Variants in SLC24A3 observed in about 807,000 individuals in gnomAD.
The protein encoded by SLC24A3 is sodium/potassium/calcium exchanger 3.
Under a neutral mutation model 75.8 loss-of-function variants are expected in SLC24A3, and 28 were observed. The ratio of observed to expected loss-of-function variants is 0.37; its 90% confidence interval spans 0.27 to 0.51. The LOEUF (loss-of-function observed/expected upper bound fraction) is 0.51. Among genes scored for constraint, SLC24A3 ranks in the 20% least tolerant of loss-of-function variants. SLC24A3 has a pLI of 0.94. For synonymous variants in SLC24A3, 372 were observed against 334.1 expected, an observed-to-expected ratio of 1.11 and a Z score of -1.24; for missense variants, 663 against 847.8, an observed-to-expected ratio of 0.78 and a Z score of 2.71.
chr20:19,389,954 C>T (rs1016028557), intron 2 of SLC24A3, among the ~76,000 whole-genome samples: 3 of 152,142 alleles, frequency 2.0e-5, no homozygotes, highest in African/African-American at 7.2e-5. Context: ...TGGGTAATCT[C>T]AAATGACCTT....
chr20:19,536,743 T>C (rs1400738432), intron 3 of SLC24A3, among the ~76,000 whole-genome samples: 1 of 152,140 alleles, frequency 6.6e-6, no homozygotes, highest in East Asian at 1.9e-4. Context: ...CTATCTGATC[T>C]TTGACAAACC....
At chr20:19,266,873 TG>T (rs1983182908) in intron 1 of SLC24A3, among the ~76,000 whole-genome samples, 2 of 152,190 alleles carry the variant, frequency 1.3e-5, no homozygotes, top group South Asian at 4.1e-4. Context: ...ATATACGTTA[TG>T]TATATATATG....
chr20:19,408,236 G>A (rs558481391), intron 2 of SLC24A3, among the ~76,000 whole-genome samples: 1 of 152,182 alleles, frequency 6.6e-6, no homozygotes, highest in Admixed American at 6.5e-5. Flanking sequence ...ATATCATTCA[G>A]ATATACCATT....
chr20:19,634,294 C>T (rs1003367902), intron 6 of SLC24A3, among the ~76,000 whole-genome samples: 2 of 152,124 alleles, frequency 1.3e-5, no homozygotes, highest in African/African-American at 4.8e-5. Context: ...ATATGATTAG[C>T]TCGTTCTCTC....
intron 1 of SLC24A3, among the ~76,000 whole-genome samples, chr20:19,253,458 A>T (rs1435843224): frequency 6.6e-6 from 1 of 151,878 alleles, no homozygotes; most frequent in South Asian, 2.1e-4. Flanking sequence ...AATCCTCTAG[A>T]CTTCCCCAAC....
chr20:19,602,347 C>T (rs2031537900), intron 6 of SLC24A3, among the ~76,000 whole-genome samples: 1 of 152,246 alleles, frequency 6.6e-6, no homozygotes, highest in South Asian at 2.1e-4. Flanking sequence ...AGATGTAGCT[C>T]ATCAGTGTTG....
At position 19,325,730 on chromosome 20, in the gene SLC24A3, A is replaced by ATG. The variant is rs1211764149; in HGVS notation, c.271+44644_271+44645insGT. Among the ~76,000 whole-genome samples, 9 of 135,518 alleles carry ATG rather than the reference A, an allele frequency of 6.6e-5. No individual in the cohort carries two copies. The East Asian group carries it at 1.0e-3, about 15-fold the overall frequency. The allele number at this position is 135,518 out of a possible 152,430, so 88.9% of individuals were successfully genotyped here. On this transcript the variant is annotated intron_variant, in intron 2 of 16. Transcript: ENST00000328041. ...AATATTTGCAAATATGCATATATAT[A>ATG]TATGTGTGTGTGTGTGTGTGTGTAT...
chr20:19,709,069 G>T (rs1348973165), intron 15 of SLC24A3, among the ~76,000 whole-genome samples: 1 of 152,164 alleles, frequency 6.6e-6, no homozygotes, highest in Non-Finnish European at 1.5e-5. Context: ...GGCTGTGCTA[G>T]CAAGACTATT....
At chr20:19,707,614 G>A (rs925574846) in intron 15 of SLC24A3, among the ~76,000 whole-genome samples, 1 of 152,162 alleles carries the variant, frequency 6.6e-6, no homozygotes, top group African/African-American at 2.4e-5. Context: ...TCAAGGAGCT[G>A]ATGACAAAAA....
At chr20:19,377,187 C>A (rs977362907) in intron 2 of SLC24A3, among the ~76,000 whole-genome samples, 4 of 152,134 alleles carry the variant, frequency 2.6e-5, no homozygotes, top group African/African-American at 9.7e-5. Context: ...TAACTTTGAT[C>A]CACATGAAAA....
At chr20:19,568,353 G>A (rs1201821200) in intron 3 of SLC24A3, among the ~76,000 whole-genome samples, 1 of 152,160 alleles carries the variant, frequency 6.6e-6, no homozygotes, top group Non-Finnish European at 1.5e-5. Context: ...CTAAAAGGTG[G>A]AAACAGACTG....
intron 12 of SLC24A3, among the ~76,000 whole-genome samples, chr20:19,691,610 G>A (rs1036995454): frequency 4.6e-5 from 7 of 152,166 alleles, no homozygotes; most frequent in African/African-American, 1.4e-4. Flanking sequence ...AAGCCAGGTT[G>A]TCAGCCAGGC....
intron 1 of SLC24A3, among the ~76,000 whole-genome samples, chr20:19,253,426 A>G (rs1192079633): frequency 1.3e-5 from 2 of 151,818 alleles, no homozygotes. Context: ...AGGGCCTGAG[A>G]TCTTCTGAGC....
intron 6 of SLC24A3, among the ~76,000 whole-genome samples, chr20:19,592,942 C>T (rs921473071): frequency 2.6e-5 from 4 of 151,852 alleles, no homozygotes; most frequent in African/African-American, 9.7e-5. Context: ...ATTACAGGTG[C>T]CTGCCACCAT....
At chr20:19,573,681 T>C (rs1303625180) in intron 3 of SLC24A3, among the ~76,000 whole-genome samples, 2 of 152,214 alleles carry the variant, frequency 1.3e-5, no homozygotes, top group East Asian at 1.9e-4. Context: ...TATCTCATAG[T>C]CATAAATGGC....
chr20:19,288,930 C>A (rs1169822388), intron 2 of SLC24A3, among the ~76,000 whole-genome samples: 1 of 152,204 alleles, frequency 6.6e-6, no homozygotes, highest in African/African-American at 2.4e-5. Flanking sequence ...GTAGTTGCAA[C>A]ACAGACCACA....
chr20:19,529,661 C>T (rs1055077467), intron 3 of SLC24A3, among the ~76,000 whole-genome samples: 7 of 152,168 alleles, frequency 4.6e-5, no homozygotes, highest in African/African-American at 1.7e-4. Flanking sequence ...CCCTCCTCCC[C>T]GCACCATCAT....
intron 2 of SLC24A3, among the ~76,000 whole-genome samples, chr20:19,429,576 G>T (rs559985861): frequency 3.3e-5 from 5 of 152,206 alleles, no homozygotes; most frequent in Non-Finnish European, 7.3e-5. Flanking sequence ...TGTGGAAGAC[G>T]ATGAGAGTTA....
At chr20:19,260,204 A>T (rs780707940) in intron 1 of SLC24A3, among the ~76,000 whole-genome samples, 10 of 152,136 alleles carry the variant, frequency 6.6e-5, no homozygotes, top group Admixed American at 1.3e-4. Flanking sequence ...CATTGGGCTA[A>T]TTGTTGCCTG....
Sources: allele counts gnomAD v4.1 joint callset (sites outside exome capture counted in the v4.1 genomes callset), GRCh38; gene constraint gnomAD v4.1.1; transcripts MANE v1.5; gene names NCBI Gene and HGNC (gene_info 2026-07-23, HGNC 2026-07-21).